MARK3: variants seen among roughly 807,000 people sequenced by gnomAD.
The protein encoded by MARK3 is microtubule affinity regulating kinase 3, also known as MAP/microtubule affinity-regulating kinase 3.
MARK3 carries 46 observed loss-of-function variants against 90.1 expected under a neutral mutation model. That is an observed-to-expected ratio of 0.51 (90% CI 0.40 to 0.65). MARK3 has a LOEUF of 0.65. Among genes scored for constraint, MARK3 ranks in the 30% least tolerant of loss-of-function variants. The pLI is 0.00. For missense variants in MARK3, 818 were observed against 947.2 expected (o/e 0.86, Z 1.79); for synonymous variants, 321 against 332.6 (o/e 0.97, Z 0.38).
intron 12 of MARK3, among the ~76,000 whole-genome samples, chr14:103,472,209 CAAAA>C (rs35696641): frequency 2.1e-5 from 2 of 96,790 alleles, no homozygotes; most frequent in Non-Finnish European, 3.7e-5. Flanking sequence ...GACTCCGTCT[CAAAA>C]AAAAAAAAAA....
At chr14:103,459,414 G>C (rs1278229860) in intron 6 of MARK3, among the ~76,000 whole-genome samples, 1 of 152,104 alleles carries the variant, frequency 6.6e-6, no homozygotes, top group Non-Finnish European at 1.5e-5. Flanking sequence ...TTCTTCCATG[G>C]TATTTGCCTA....
In MARK3 at chr14:103,491,980, G is replaced by C. The variant is rs185333227; in HGVS notation, c.1790G>C (p.Arg597Pro). The C allele has an allele frequency of 3.7e-6, 6 of 1,614,106 alleles. No homozygotes were observed. In the Admixed American group the frequency reaches 1.0e-4, roughly 27 times the overall value. The change falls in exon 15 of 18, where the codon CGA (arginine) becomes CCA (proline). Residue 597 changes from arginine to proline, a missense_variant. Transcript: ENST00000429436. ...SHEATPLSQTRSRGSTNLFSK... is the reference protein window; with the variant it reads ...SHEATPLSQTPSRGSTNLFSK... ...GAAGCCACACCATTGTCCCAGACTC[G>C]AAGCCGAGGCTCCACTAATCTCTTT...
Position 103,457,107 on chromosome 14 carries a change from G to A in MARK3, c.413-35G>A. 2.3e-6 allele frequency: 3 copies of A among 1,304,444 alleles called. No individual in the cohort carries two copies. In the South Asian group the frequency reaches 3.7e-5, roughly 16 times the overall value. 80.8% of individuals were successfully genotyped at this position (1,304,444 alleles called of 1,614,324 possible). A position where few individuals can be genotyped will look rare whatever the true frequency, so the allele number is the denominator to read the frequency against. On this transcript the variant is annotated intron_variant, in intron 5 of 17. Coordinates refer to ENST00000429436, the MANE Select transcript of MARK3 (RefSeq NM_001128918.3). Reference sequence around the variant, plus strand: ...ATGGGAAAATTAATACTCAGAAGTAGGATTTCTACTTACTTTTATTTCTCT... The same window carrying A: ...ATGGGAAAATTAATACTCAGAAGTAAGATTTCTACTTACTTTTATTTCTCT...
chr14:103,503,519 G>C lies in MARK3; in HGVS notation c.*292G>C. 5.0e-6 allele frequency: 2 copies of C among 403,610 alleles called. No individual in the cohort carries two copies. The highest frequency in any genetic ancestry group is 9.0e-6 in the Non-Finnish European group (2 of 221,378). The allele number at this position is 403,610 out of a possible 1,614,324, so 25.0% of individuals were successfully genotyped here. A position where few individuals can be genotyped will look rare whatever the true frequency, so the allele number is the denominator to read the frequency against. On this transcript the variant is annotated 3_prime_UTR_variant, in exon 18 of 18. Transcript: ENST00000429436. ...GGGTGGGTGTGAGAGTGGACGGTATGTGTGTGAAGTGGTGTATATGGAAGC... is the reference window on the plus strand; with the variant it reads ...GGGTGGGTGTGAGAGTGGACGGTATCTGTGTGAAGTGGTGTATATGGAAGC...
At chr14:103,471,836 A>T (rs1448723577) in intron 12 of MARK3, among the ~76,000 whole-genome samples, 2 of 152,126 alleles carry the variant, frequency 1.3e-5, no homozygotes, top group African/African-American at 2.4e-5. Flanking sequence ...TATTGGGGCA[A>T]TTTGGTAGTT....
intron 2 of MARK3, among the ~76,000 whole-genome samples, chr14:103,423,211 T>TTTTTTTTTTTTTTTC (rs2092286709): frequency 1.3e-5 from 2 of 148,434 alleles, no homozygotes; most frequent in African/African-American, 5.0e-5. Flanking sequence ...TTTTTTTTTT[T>TTTTTTTTTTTTTTTC]TTTGCCTCCT....
At chr14:103,478,294 C>CAAA (rs745554491) in intron 13 of MARK3, among the ~76,000 whole-genome samples, 1 of 125,296 alleles carries the variant, frequency 8.0e-6, no homozygotes, top group Non-Finnish European at 1.7e-5. Flanking sequence ...GGCTCCATCT[C>CAAA]AAAAAAAAAA....
At chr14:103,412,738 G>T (rs1333921079) in intron 2 of MARK3, 9 of 554,314 alleles carry the variant, frequency 1.6e-5, no homozygotes, top group African/African-American at 5.8e-5. Context: ...CATCCAGGGT[G>T]TCGTGAGAGA....
At position 103,451,931 on chromosome 14, in the gene MARK3, A is replaced by G. The variant is rs61730316; in HGVS notation, c.360A>G (p.Glu120=). ...LNHPNIVKLF[E]VIETEKTLYL... is the part of the protein sequence containing the mutation. The stretch of plus-strand genomic sequence containing the variant: ...CCTCTCCCGCAGTGAAGTTATTCGA[A>G]GTCATTGAAACTGAAAAAACACTCT... Residue 120 remains glutamate, a synonymous_variant, in exon 5 of 18, where the codon GAA becomes GAG. Coordinates refer to ENST00000429436, the MANE Select transcript of MARK3 (RefSeq NM_001128918.3). The G allele has an allele frequency of 6.2e-7, 1 of 1,611,854 alleles. No homozygotes were observed. The highest frequency in any genetic ancestry group is 8.5e-7 in the Non-Finnish European group (1 of 1,178,732).
At chr14:103,467,803 AT>A (rs1184100146) in intron 11 of MARK3, 2 of 372,168 alleles carry the variant, frequency 5.4e-6, no homozygotes, top group Non-Finnish European at 9.6e-6. Flanking sequence ...ATTTAAAGTT[AT>A]TTGAGAAAGC....
chr14:103,446,710 C>CTTTTTTTTTTTTTTT lies in MARK3; in HGVS notation c.298-2198_298-2184dup, dbSNP rs746523547. ...TGGCATCCAAAGTGGAGATTGTTGT[C>CTTTTTTTTTTTTTTT]TTTTTTTTTTTTTTTTTTTTTTTTT... On this transcript the variant is annotated intron_variant, in intron 3 of 17. Coordinates refer to ENST00000429436, the MANE Select transcript of MARK3 (RefSeq NM_001128918.3). Among the ~76,000 whole-genome samples, 4 of 98,048 alleles carry CTTTTTTTTTTTTTTT rather than the reference C, an allele frequency of 4.1e-5. 1 individual carries two copies. Among genetic ancestry groups the CTTTTTTTTTTTTTTT allele is most frequent in the African/African-American group, 2.1e-4 (4 of 18,796 alleles). The allele number at this position is 98,048 out of a possible 152,430, so 64.3% of individuals were successfully genotyped here. A position where few individuals can be genotyped will look rare whatever the true frequency, so the allele number is the denominator to read the frequency against.
chr14:103,404,755 T>C (rs2091176259), intron 1 of MARK3, among the ~76,000 whole-genome samples: 1 of 152,176 alleles, frequency 6.6e-6, no homozygotes, highest in African/African-American at 2.4e-5. Context: ...GGTGTGCAGG[T>C]GCACTTACTA....
At chr14:103,386,170 C>T (rs1317352073) in intron 1 of MARK3, 90 bp downstream of exon 1, 1 of 1,262,292 alleles carries the variant, frequency 7.9e-7, no homozygotes, top group Admixed American at 1.7e-5. Context: ...TTCCCCCCAG[C>T]CGAACGCTCT....
At chr14:103,458,472 A>AG in intron 6 of MARK3, among the ~76,000 whole-genome samples, 1 of 147,082 alleles carries the variant, frequency 6.8e-6, no homozygotes, top group South Asian at 2.1e-4. Context: ...AAAAAAAAAA[A>AG]AAAGAAGCAG....
At position 103,385,902 on chromosome 14, in the gene MARK3, A is replaced by C; in HGVS notation, c.-128A>C. 5.7e-6 allele frequency: 4 copies of C among 704,238 alleles called. No homozygotes were observed. Among genetic ancestry groups the C allele is most frequent in the African/African-American group, 1.8e-5 (1 of 56,326 alleles). 43.6% of individuals were successfully genotyped at this position (704,238 alleles called of 1,614,324 possible). ...CCGGGATCTAGACGGCCGTAGGGGG[A>C]AGGGAGCCGCCCTCCCCACGGCGCC... is the stretch of plus-strand genomic sequence containing the variant. On this transcript the variant is annotated 5_prime_UTR_variant, in exon 1 of 18. Transcript: ENST00000429436.
Position 103,503,277 on chromosome 14 carries a change from C to A in MARK3, c.*50C>A. 7.2e-7 allele frequency: 1 copy of A among 1,397,986 alleles called. No homozygotes were observed. Among genetic ancestry groups the A allele is most frequent in the Non-Finnish European group, 9.9e-7 (1 of 1,005,344 alleles). 86.6% of individuals were successfully genotyped at this position (1,397,986 alleles called of 1,614,324 possible). A position where few individuals can be genotyped will look rare whatever the true frequency, so the allele number is the denominator to read the frequency against. ...GTAGCAATTAAAGTGTTTTCCTGAA[C>A]ACTGATGGAAATGTATAGAATAATA... On this transcript the variant is annotated 3_prime_UTR_variant, in exon 18 of 18. Transcript: ENST00000429436.
chr14:103,420,371 A>C (rs1382198421), intron 2 of MARK3, among the ~76,000 whole-genome samples: 1 of 151,234 alleles, frequency 6.6e-6, no homozygotes, highest in African/African-American at 2.4e-5. Flanking sequence ...CTGGGACCAG[A>C]GGTGTGTACT....
At chr14:103,464,579 C>T (rs935587487) in intron 7 of MARK3, among the ~76,000 whole-genome samples, 11 of 152,150 alleles carry the variant, frequency 7.2e-5, no homozygotes, top group South Asian at 2.1e-4. Context: ...TGATTACAGG[C>T]GTGAGCCACC....
chr14:103,419,841 G>A (rs2092130197), intron 2 of MARK3, among the ~76,000 whole-genome samples: 1 of 152,092 alleles, frequency 6.6e-6, no homozygotes, highest in South Asian at 2.1e-4. Flanking sequence ...AAGAGCAGGG[G>A]TCTACCAGGT....
Sources: gnomAD v4.1 joint callset for allele counts (sites outside exome capture counted in the v4.1 genomes callset) on GRCh38, gnomAD v4.1.1 for gene constraint, MANE v1.5 for transcripts, NCBI Gene and HGNC (gene_info 2026-07-23, HGNC 2026-07-21) for gene names.